MCC: variants seen among roughly 807,000 people sequenced by gnomAD.
MCC encodes the protein MCC regulator of Wnt signaling pathway, also known as colorectal mutant cancer protein.
Under a neutral mutation model 116.2 loss-of-function variants are expected in MCC, and 90 were observed. That is an observed-to-expected ratio of 0.77 (90% CI 0.65 to 0.92). The LOEUF (loss-of-function observed/expected upper bound fraction) is 0.92, where lower values mean the gene tolerates loss of function less well. Ranked by LOEUF, MCC falls within the 40% of genes least tolerant of loss-of-function variation. The pLI is 0.00. For synonymous variants in MCC, 578 were observed against 510.5 expected, an observed-to-expected ratio of 1.13 and a Z score of -1.78; for missense variants, 1,516 against 1,312.2, an observed-to-expected ratio of 1.16 and a Z score of -2.40.
chr5:113,402,005 A>C (rs541587154), intron 1 of MCC, among the ~76,000 whole-genome samples: 1 of 151,792 alleles, frequency 6.6e-6, no homozygotes, highest in Admixed American at 6.6e-5. Context: ...GCACAAAAAC[A>C]CACTCAGGGC....
At chr5:113,159,104 C>A (rs1335176915) in intron 3 of MCC, among the ~76,000 whole-genome samples, 1 of 152,098 alleles carries the variant, frequency 6.6e-6, no homozygotes, top group African/African-American at 2.4e-5. Flanking sequence ...AAGCGTGGGG[C>A]TCAGCTTGGT....
chr5:113,145,207 T>C (rs1759423522), intron 4 of MCC, among the ~76,000 whole-genome samples: 1 of 152,200 alleles, frequency 6.6e-6, no homozygotes, highest in African/African-American at 2.4e-5. Flanking sequence ...CCTCAGAGTG[T>C]GTGCGTGTGT....
Position 113,053,966 on chromosome 5 carries a change from A to G in MCC, c.2214-7T>C, listed in dbSNP as rs926053540. On this transcript the variant is annotated splice_region_variant and splice_polypyrimidine_tract_variant and intron_variant, in intron 14 of 18. Transcript: ENST00000408903. The stretch of plus-strand genomic sequence containing the variant: ...GGCTGTGGAGCTGGTTGTGCTGAGA[A>G]AGAAGAAAAACAAAGACCCACCACC... 6.2e-7 allele frequency: 1 copy of G among 1,604,254 alleles called. No homozygotes were observed. Among genetic ancestry groups the G allele is most frequent in the Non-Finnish European group, 8.5e-7 (1 of 1,171,880 alleles).
chr5:113,331,558 A>C (rs576754521), intron 3 of MCC, among the ~76,000 whole-genome samples: 1 of 151,654 alleles, frequency 6.6e-6, no homozygotes, highest in East Asian at 1.9e-4. Flanking sequence ...GAAGTTTTTC[A>C]AGGATCCTTC....
chr5:113,402,948 T>C (rs528345273), intron 1 of MCC, among the ~76,000 whole-genome samples: 11 of 152,178 alleles, frequency 7.2e-5, no homozygotes, highest in Non-Finnish European at 1.2e-4. Context: ...AAAAATTTAT[T>C]GTAGAGACAG....
At chr5:113,160,785 G>C (rs1274892589) in intron 3 of MCC, among the ~76,000 whole-genome samples, 2 of 152,152 alleles carry the variant, frequency 1.3e-5, no homozygotes, top group African/African-American at 4.8e-5. Context: ...AGAAATAGAA[G>C]ACCATTCAGC....
At chr5:113,185,980 TGAG>T (rs925417661) in intron 3 of MCC, among the ~76,000 whole-genome samples, 6 of 151,932 alleles carry the variant, frequency 3.9e-5, no homozygotes, top group Admixed American at 2.0e-4. Flanking sequence ...ACCAAGACCC[TGAG>T]GAGATCTGAA....
intron 3 of MCC, among the ~76,000 whole-genome samples, chr5:113,295,441 G>T (rs1400853110): frequency 1.4e-5 from 2 of 144,812 alleles, no homozygotes; most frequent in African/African-American, 2.4e-5. Context: ...TGAAGATAGA[G>T]GCCCCATCCC....
intron 1 of MCC, among the ~76,000 whole-genome samples, chr5:113,397,493 A>G (rs796955667): frequency 3.9e-5 from 6 of 152,342 alleles, no homozygotes; most frequent in African/African-American, 1.4e-4. Flanking sequence ...TGAAAGAAAG[A>G]ATAAACATTT....
At chr5:113,075,573 T>A (rs1454558816) in intron 11 of MCC, among the ~76,000 whole-genome samples, 4 of 152,192 alleles carry the variant, frequency 2.6e-5, no homozygotes, top group African/African-American at 9.7e-5. Flanking sequence ...GCACTCTGTG[T>A]CTAGCTCAAG....
intron 1 of MCC, among the ~76,000 whole-genome samples, chr5:113,472,834 G>C (rs978750720): frequency 2.0e-5 from 3 of 152,206 alleles, no homozygotes; most frequent in Admixed American, 6.5e-5. Flanking sequence ...CATGGTACAG[G>C]AGTTTTCCTC....
intron 3 of MCC, chr5:113,294,244 G>A (rs373411835): frequency 5.1e-6 from 8 of 1,562,728 alleles, no homozygotes; most frequent in African/African-American, 4.1e-5. Context: ...TAGGGTGTAG[G>A]GCTGTGGGGA....
intron 11 of MCC, among the ~76,000 whole-genome samples, chr5:113,077,401 T>C (rs1016049605): frequency 1.3e-5 from 2 of 152,208 alleles, no homozygotes; most frequent in Non-Finnish European, 1.5e-5. Context: ...ACCGTGTAGT[T>C]AGAAGGAAAG....
chr5:113,055,628 G>A (rs1219850319), intron 14 of MCC, among the ~76,000 whole-genome samples: 5 of 152,220 alleles, frequency 3.3e-5, no homozygotes, highest in Non-Finnish European at 7.3e-5. Flanking sequence ...CAGGACGGGT[G>A]GGAAGTCCCT....
intron 3 of MCC, among the ~76,000 whole-genome samples, chr5:113,269,568 G>A (rs913903041): frequency 3.9e-5 from 6 of 152,196 alleles, no homozygotes; most frequent in African/African-American, 1.4e-4. Flanking sequence ...GGAGCTGTAA[G>A]GTCTTTATCT....
At chr5:113,047,866 A>T (rs1006496101) in intron 16 of MCC, among the ~76,000 whole-genome samples, 3 of 151,944 alleles carry the variant, frequency 2.0e-5, no homozygotes, top group African/African-American at 4.8e-5. Context: ...GGGCTGATAA[A>T]AGAGTGAGTT....
chr5:113,181,407 T>C (rs1183264611), intron 3 of MCC, among the ~76,000 whole-genome samples: 1 of 152,212 alleles, frequency 6.6e-6, no homozygotes, highest in Non-Finnish European at 1.5e-5. Context: ...TTTATAATCA[T>C]AGAGGTAAAT....
chr5:113,308,519 C>T (rs1767050135), intron 3 of MCC, among the ~76,000 whole-genome samples: 1 of 152,180 alleles, frequency 6.6e-6, no homozygotes, highest in Non-Finnish European at 1.5e-5. Context: ...CACAGTTTAG[C>T]AGCCATAAGA....
At chr5:113,251,688 TG>T (rs1318072802) in intron 3 of MCC, among the ~76,000 whole-genome samples, 1 of 152,198 alleles carries the variant, frequency 6.6e-6, no homozygotes, top group East Asian at 1.9e-4. Flanking sequence ...ATTCAGAGTT[TG>T]GGGAAGTCTC....
Sources: allele counts gnomAD v4.1 joint callset (sites outside exome capture counted in the v4.1 genomes callset), GRCh38; gene constraint gnomAD v4.1.1; transcripts MANE v1.5; gene names NCBI Gene and HGNC (gene_info 2026-07-23, HGNC 2026-07-21).